LEKR1: variants seen among roughly 807,000 people sequenced by gnomAD.
The protein encoded by LEKR1 is leucine, glutamate and lysine rich 1, also known as protein LEKR1.
In LEKR1, 59 loss-of-function variants were observed where a neutral mutation model predicts 72.4. That is an observed-to-expected ratio of 0.82 (90% CI 0.66 to 1.01). LEKR1 has a LOEUF of 1.01. Among genes scored for constraint, LEKR1 ranks in the 50% least tolerant of loss-of-function variants. The pLI is 0.00. For synonymous variants in LEKR1, 257 were observed against 263.2 expected (o/e 0.98, Z 0.23); for missense variants, 728 against 759.2 (o/e 0.96, Z 0.48).
chr3:156,850,139 C>T, intron 2 of LEKR1, among the ~76,000 whole-genome samples: 1 of 151,544 alleles, frequency 6.6e-6, no homozygotes, highest in Non-Finnish European at 1.5e-5. Flanking sequence ...ATTTATGCAG[C>T]CAAAAAAACA....
intron 3 of LEKR1, among the ~76,000 whole-genome samples, chr3:156,874,257 A>G (rs1380439953): frequency 1.3e-5 from 2 of 151,588 alleles, no homozygotes; most frequent in Admixed American, 1.3e-4. Context: ...TTGTATCTCA[A>G]ATTGTTTTTC....
rs114940870 is a variant in LEKR1, at chr3:156,979,239, C to T, written c.791C>T (p.Ala264Val). 16,495 of 1,286,304 alleles carry T rather than the reference C, an allele frequency of 0.013. 131 individuals are homozygous for T. The highest frequency in any genetic ancestry group is 0.015 in the Non-Finnish European group (14,710 of 984,734). The allele number at this position is 1,286,304 out of a possible 1,614,324, so 79.7% of individuals were successfully genotyped here. Residue 264 changes from alanine to valine, a missense_variant, in exon 7 of 13, where the codon GCG becomes GTG. Coordinates refer to ENST00000356539, the MANE Select transcript of LEKR1 (RefSeq NM_001004316.3). The stretch of plus-strand genomic sequence containing the variant: ...GCACTTGGATTAAAACTTCAGAAGG[C>T]GGTGACAGAGATGGACAACTATAAA... ...VEALGLKLQK[A>V]VTEMDNYKEM... is the part of the protein sequence containing the mutation.
chr3:156,914,794 T>C (rs771819499), intron 3 of LEKR1, among the ~76,000 whole-genome samples: 4 of 152,168 alleles, frequency 2.6e-5, no homozygotes, highest in Non-Finnish European at 5.9e-5. Flanking sequence ...TTTTTAAAAT[T>C]ACGCTTTTAT....
intron 2 of LEKR1, among the ~76,000 whole-genome samples, chr3:156,841,406 T>C (rs1713889250): frequency 6.6e-6 from 1 of 152,164 alleles, no homozygotes; most frequent in East Asian, 1.9e-4. Flanking sequence ...GTAAATTGTT[T>C]AAAAAATACT....
At chr3:156,901,032 C>T (rs1191981426) in intron 3 of LEKR1, among the ~76,000 whole-genome samples, 1 of 151,726 alleles carries the variant, frequency 6.6e-6, no homozygotes, top group Non-Finnish European at 1.5e-5. Flanking sequence ...GCTGTGTTGC[C>T]CAGCCTGGTC....
chr3:156,905,331 A>G (rs542710528), intron 3 of LEKR1, among the ~76,000 whole-genome samples: 1 of 152,316 alleles, frequency 6.6e-6, no homozygotes, highest in South Asian at 2.1e-4. Context: ...TCAGTATAAA[A>G]TTAAGACTAT....
chr3:156,839,997 T>C (rs974374839), intron 2 of LEKR1, among the ~76,000 whole-genome samples: 2 of 152,102 alleles, frequency 1.3e-5, no homozygotes, highest in African/African-American at 4.8e-5. Flanking sequence ...CACCAACCCC[T>C]CCTCTTCCTC....
intron 6 of LEKR1, among the ~76,000 whole-genome samples, chr3:156,966,932 T>C (rs1367798147): frequency 6.6e-6 from 1 of 152,054 alleles, no homozygotes; most frequent in Non-Finnish European, 1.5e-5. Flanking sequence ...AGACAAAACT[T>C]CCAGAGGAAC....
chr3:156,847,345 A>G (rs931220802), intron 2 of LEKR1, among the ~76,000 whole-genome samples: 6 of 152,230 alleles, frequency 3.9e-5, no homozygotes, highest in Non-Finnish European at 8.8e-5. Flanking sequence ...TGTTTAATAT[A>G]TTGCATTTGT....
chr3:156,833,546 C>T (rs1290220530), intron 2 of LEKR1, among the ~76,000 whole-genome samples: 2 of 152,156 alleles, frequency 1.3e-5, no homozygotes, highest in African/African-American at 4.8e-5. Flanking sequence ...TTCTGGAACA[C>T]ATACCAATAA....
intron 11 of LEKR1, among the ~76,000 whole-genome samples, chr3:157,027,570 C>T (rs767127540): frequency 6.6e-6 from 1 of 152,032 alleles, no homozygotes; most frequent in Non-Finnish European, 1.5e-5. Context: ...AATCCCAGCA[C>T]TTTGGGAGGC....
intron 3 of LEKR1, among the ~76,000 whole-genome samples, chr3:156,869,900 T>C (rs1252913618): frequency 6.6e-6 from 1 of 151,958 alleles, no homozygotes; most frequent in Non-Finnish European, 1.5e-5. Context: ...GAGAGAGGGG[T>C]CCAATTTCAT....
At chr3:157,013,736 C>T (rs189720261) in intron 10 of LEKR1, among the ~76,000 whole-genome samples, 2 of 152,182 alleles carry the variant, frequency 1.3e-5, no homozygotes, top group African/African-American at 4.8e-5. Flanking sequence ...ATAAAAAGTT[C>T]TCTAAAAGTC....
At chr3:156,875,919 C>A (rs951560595) in intron 3 of LEKR1, among the ~76,000 whole-genome samples, 1 of 147,058 alleles carries the variant, frequency 6.8e-6, no homozygotes, top group Admixed American at 7.0e-5. Context: ...GGCATGAACC[C>A]GGGGGGCAGA....
intron 3 of LEKR1, among the ~76,000 whole-genome samples, chr3:156,860,755 G>A (rs887258608): frequency 6.6e-6 from 1 of 152,140 alleles, no homozygotes; most frequent in Non-Finnish European, 1.5e-5. Context: ...GGCTTAAATG[G>A]ACAAAGGTTT....
chr3:156,968,767 C>G (rs1435884677), intron 6 of LEKR1, among the ~76,000 whole-genome samples: 1 of 152,092 alleles, frequency 6.6e-6, no homozygotes, highest in Non-Finnish European at 1.5e-5. Flanking sequence ...CTTCACCAAG[C>G]AGACCTAATA....
intron 12 of LEKR1, among the ~76,000 whole-genome samples, chr3:157,043,915 A>G (rs1478321280): frequency 6.6e-6 from 1 of 152,224 alleles, no homozygotes; most frequent in African/African-American, 2.4e-5. Flanking sequence ...TGTTTGACCC[A>G]GGAATGCAGC....
At chr3:156,970,518 G>C (rs1373096594) in intron 6 of LEKR1, among the ~76,000 whole-genome samples, 1 of 152,092 alleles carries the variant, frequency 6.6e-6, no homozygotes, top group Non-Finnish European at 1.5e-5. Flanking sequence ...AAGGTGTAAG[G>C]AAGGGATCTA....
intron 2 of LEKR1, among the ~76,000 whole-genome samples, chr3:156,837,774 C>T (rs1162155681): frequency 1.3e-5 from 2 of 152,156 alleles, no homozygotes; most frequent in African/African-American, 2.4e-5. Flanking sequence ...CATCAGTTTG[C>T]GCAGAAAGGG....
Sources: gnomAD v4.1 joint callset for allele counts (sites outside exome capture counted in the v4.1 genomes callset) on GRCh38, gnomAD v4.1.1 for gene constraint, MANE v1.5 for transcripts, NCBI Gene and HGNC (gene_info 2026-07-23, HGNC 2026-07-21) for gene names.